The following SIM1 variants were observed in gnomAD, a reference collection of about 807,000 sequenced individuals.
The protein encoded by SIM1 is SIM bHLH transcription factor 1, also known as single-minded homolog 1.
SIM1 carries 18 observed loss-of-function variants against 78.2 expected under a neutral mutation model. The ratio of observed to expected loss-of-function variants is 0.23; its 90% confidence interval spans 0.16 to 0.34. The LOEUF (loss-of-function observed/expected upper bound fraction) is 0.34. Among genes scored for constraint, SIM1 ranks in the 10% least tolerant of loss-of-function variants. The pLI, the probability that SIM1 is intolerant of heterozygous loss-of-function variation, is 1.00. For missense variants in SIM1, 939 were observed against 975.1 expected (o/e 0.96, Z 0.49); for synonymous variants, 417 against 385.2 (o/e 1.08, Z -0.97).
At chr6:100,423,185 T>C (rs1347263181) in intron 9 of SIM1, among the ~76,000 whole-genome samples, 1 of 152,224 alleles carries the variant, frequency 6.6e-6, no homozygotes, top group African/African-American at 2.4e-5. Context: ...GGCTCCCACT[T>C]ATTTTTCTGA....
chr6:100,402,567 CTTTTTT>C (rs869130841), intron 10 of SIM1, among the ~76,000 whole-genome samples: 3 of 76,342 alleles, frequency 3.9e-5, no homozygotes, highest in Admixed American at 3.4e-4. Context: ...TTTCTTTTCT[CTTTTTT>C]TTTTTTTTTT....
chr6:100,455,575 G>C (rs538516555), intron 2 of SIM1, among the ~76,000 whole-genome samples: 1 of 152,236 alleles, frequency 6.6e-6, no homozygotes, highest in Non-Finnish European at 1.5e-5. Context: ...TGGCTGCGGA[G>C]GCCACACGGG....
chr6:100,412,363 G>A (rs900255255), intron 10 of SIM1, among the ~76,000 whole-genome samples: 8 of 151,310 alleles, frequency 5.3e-5, no homozygotes, highest in African/African-American at 9.7e-5. Context: ...ATGGCGAAAC[G>A]CTGTCTCTAC....
chr6:100,449,533 GA>G, intron 5 of SIM1, 57 bp downstream of exon 5: 1 of 1,591,400 alleles, frequency 6.3e-7, no homozygotes, highest in Non-Finnish European at 8.6e-7. Flanking sequence ...ACTAATTGGG[GA>G]AAAACCACAA....
At chr6:100,440,728 A>G (rs1477497233) in intron 9 of SIM1, among the ~76,000 whole-genome samples, 1 of 152,192 alleles carries the variant, frequency 6.6e-6, no homozygotes, top group African/African-American at 2.4e-5. Flanking sequence ...AGCTCCAGTG[A>G]ATTTTCTATG....
intron 3 of SIM1, among the ~76,000 whole-genome samples, chr6:100,450,696 T>TCACACACACACACA (rs112151329): frequency 1.1e-5 from 1 of 91,878 alleles, no homozygotes; most frequent in African/African-American, 3.9e-5. Context: ...TCTCTCTCTC[T>TCACACACACACACA]CACACACACA....
At chr6:100,453,729 G>T in intron 3 of SIM1, 33 bp downstream of exon 3, 1 of 1,550,562 alleles carries the variant, frequency 6.4e-7, no homozygotes, top group Non-Finnish European at 8.8e-7. Flanking sequence ...GACCCTCAAA[G>T]CTTATGTGTT....
At chr6:100,444,421 G>T (rs2114535430) in intron 9 of SIM1, among the ~76,000 whole-genome samples, 1 of 152,218 alleles carries the variant, frequency 6.6e-6, no homozygotes, top group East Asian at 1.9e-4. Context: ...TGTGTGTCTT[G>T]CAGAAAATTA....
intron 10 of SIM1, among the ~76,000 whole-genome samples, chr6:100,407,794 T>A (rs1771087482): frequency 1.3e-5 from 2 of 152,040 alleles, no homozygotes. Flanking sequence ...AATCAAATAT[T>A]TCCTTCTTCT....
In SIM1 at chr6:100,395,800, GACAGAGAGATGAACTAC is replaced by G. The variant is rs1318649938; in HGVS notation, c.1168-1928_1168-1912del. 4.6e-5 allele frequency among the ~76,000 whole-genome samples: 7 copies of G among 152,194 alleles called. No individual in the cohort carries two copies. In the South Asian group the frequency reaches 1.0e-3, roughly 23 times the overall value. ...GGCAACTCAGCTGAGGGCTGTTGGGGACAGAGAGATGAACTACACAGGTTCCTCTGGGGAACCTCCAA... is the reference window on the plus strand; with the variant it reads ...GGCAACTCAGCTGAGGGCTGTTGGGGACAGGTTCCTCTGGGGAACCTCCAA... On this transcript the variant is annotated intron_variant, in intron 10 of 11. Coordinates refer to ENST00000369208, the MANE Select transcript of SIM1 (RefSeq NM_005068.3).
intron 9 of SIM1, among the ~76,000 whole-genome samples, chr6:100,425,196 C>T (rs1182232164): frequency 6.6e-6 from 1 of 152,146 alleles, no homozygotes; most frequent in African/African-American, 2.4e-5. Flanking sequence ...GTTCCTTTTA[C>T]CTCCCGCCAT....
At chr6:100,451,148 A>AC in intron 3 of SIM1, among the ~76,000 whole-genome samples, 1 of 152,350 alleles carries the variant, frequency 6.6e-6, no homozygotes, top group East Asian at 1.9e-4. Flanking sequence ...GAAGACAGAT[A>AC]TAGTGACCAC....
chr6:100,458,221 ATTCATGCAGCG>A (rs1157971356), intron 2 of SIM1, among the ~76,000 whole-genome samples: 11 of 152,062 alleles, frequency 7.2e-5, no homozygotes, highest in African/African-American at 2.4e-4. Context: ...TGGGGGCGAA[ATTCATGCAGCG>A]TTCATGAGAC....
Position 100,431,288 on chromosome 6 carries a change from G to A in SIM1, c.999-10330C>T, listed in dbSNP as rs116836365. On this transcript the variant is annotated intron_variant, in intron 9 of 11. Coordinates refer to ENST00000369208, the MANE Select transcript of SIM1 (RefSeq NM_005068.3). ...CATTAATGGTTTCTTTACAGTTGCTGTGCAAACAGTTCATTCATACCTATG... is the reference window on the plus strand; with the variant it reads ...CATTAATGGTTTCTTTACAGTTGCTATGCAAACAGTTCATTCATACCTATG... 5.9e-3 allele frequency among the ~76,000 whole-genome samples: 897 copies of A among 152,244 alleles called. 7 individuals are homozygous for A. The highest frequency in any genetic ancestry group is 0.02 in the African/African-American group (831 of 41,536).
In SIM1 at chr6:100,412,555, AAAAGAAAGAAAGAAAGAAAG is replaced by A. The variant is rs761518217; in HGVS notation, c.1167+8215_1167+8234del. ...CTGTCTAAGAAAGAAAGAAAGAAAG[AAAAGAAAGAAAGAAAGAAAG>A]AAAGAAAGAAAGAAAGAAAGAAAGA... On this transcript the variant is annotated intron_variant, in intron 10 of 11. Transcript: ENST00000369208. 1.0e-3 allele frequency among the ~76,000 whole-genome samples: 66 copies of A among 64,484 alleles called. 3 individuals are homozygous for A. The highest frequency in any genetic ancestry group is 3.1e-3 in the South Asian group (5 of 1,590). The allele number at this position is 64,484 out of a possible 152,430, so 42.3% of individuals were successfully genotyped here. A position where few individuals can be genotyped will look rare whatever the true frequency, so the allele number is the denominator to read the frequency against.
intron 9 of SIM1, 115 bp from the exon 10 acceptor site, chr6:100,421,073 C>T: frequency 9.5e-7 from 1 of 1,053,088 alleles, no homozygotes; most frequent in African/African-American, 1.6e-5. Context: ...CAAAAGTTAG[C>T]CCTATAACTA....
At chr6:100,456,995 T>C in intron 2 of SIM1, among the ~76,000 whole-genome samples, 1 of 152,186 alleles carries the variant, frequency 6.6e-6, no homozygotes, top group East Asian at 1.9e-4. Context: ...ACAGGCACCA[T>C]TTAGGCCCGT....
chr6:100,396,832 CAGAA>C (rs1158517642), intron 10 of SIM1, among the ~76,000 whole-genome samples: 1 of 152,070 alleles, frequency 6.6e-6, no homozygotes, highest in Admixed American at 6.6e-5. Flanking sequence ...AGAGAGAAGG[CAGAA>C]AGAGAGGAAG....
At chr6:100,458,139 C>T (rs1049331554) in intron 2 of SIM1, among the ~76,000 whole-genome samples, 1 of 151,938 alleles carries the variant, frequency 6.6e-6, no homozygotes, top group African/African-American at 2.4e-5. Flanking sequence ...GCCAACCTGG[C>T]TGCCCGAGTT....
Sources: gnomAD v4.1 joint callset for allele counts (sites outside exome capture counted in the v4.1 genomes callset) on GRCh38, gnomAD v4.1.1 for gene constraint, MANE v1.5 for transcripts, NCBI Gene and HGNC (gene_info 2026-07-23, HGNC 2026-07-21) for gene names.